PLXNA2: variants seen among roughly 807,000 people sequenced by gnomAD.
PLXNA2 encodes the protein plexin-A2.
In PLXNA2, 91 loss-of-function variants were observed where a neutral mutation model predicts 193.5. The ratio of observed to expected loss-of-function variants is 0.47; its 90% CI spans 0.40 to 0.56. PLXNA2 has a LOEUF of 0.56. PLXNA2 is among the 20% of genes least tolerant of loss of function. The probability of loss-of-function intolerance (pLI) is 0.00; values close to 1 mark genes in which losing one functional copy is unlikely to be tolerated. For synonymous variants in PLXNA2, 997 were observed against 1,027.3 expected (o/e 0.97, Z 0.56); for missense variants, 1,995 against 2,503.2 (o/e 0.80, Z 4.33).
intron 4 of PLXNA2, among the ~76,000 whole-genome samples, chr1:208,113,323 T>C (rs932031385): frequency 8.5e-5 from 13 of 152,142 alleles, no homozygotes; most frequent in African/African-American, 3.1e-4. Context: ...CATTCCACAA[T>C]GGTTGTTTGC....
At chr1:208,039,093 G>C in intron 24 of PLXNA2, 109 bp from the exon 25 acceptor site, 1 of 920,710 alleles carries the variant, frequency 1.1e-6, no homozygotes. Context: ...CTCCTTATAG[G>C]GGAAATAAGG....
Position 208,051,089 on chromosome 1 carries a change from G to A in PLXNA2, c.3175C>T (p.Leu1059=). The A allele has an allele frequency of 6.2e-7, 1 of 1,613,976 alleles. No individual in the cohort carries two copies. Among genetic ancestry groups the A allele is most frequent in the Non-Finnish European group, 8.5e-7 (1 of 1,179,830 alleles). The change falls in exon 17 of 32, where the codon CTG becomes TTG. Residue 1059 remains leucine (L), a synonymous_variant. Transcript: ENST00000367033. ...TCCAGGTTGAAGCCTGTGATGGTCA[G>A]GGGTGTGTGGCCACTGAAAACAGGC... ...EWSIASGHTP[L]TITGFNLDVI... is the part of the protein sequence containing the mutation.
intron 11 of PLXNA2, among the ~76,000 whole-genome samples, chr1:208,081,621 C>T (rs1176305311): frequency 6.6e-6 from 1 of 152,188 alleles, no homozygotes; most frequent in Non-Finnish European, 1.5e-5. Flanking sequence ...TGGCCCATTT[C>T]TTAATCTCTT....
rs1671849627 is a variant in PLXNA2, at chr1:208,236,309, G to A, written c.-81+7334C>T. ...AAACCGGGGAGCAGTCAGGGGAGGT[G>A]GGAGGTCAGAGGCCAACGTAATATT... On this transcript the variant is annotated intron_variant, in intron 1 of 31. Transcript: ENST00000367033. The surrounding 1 kb of genome is among the most constrained non-coding windows in gnomAD (Gnocchi z 4.4). Among the ~76,000 whole-genome samples the A allele has an allele frequency of 6.6e-6, 1 of 152,180 alleles. No homozygotes were observed. The highest frequency in any genetic ancestry group is 1.5e-5 in the Non-Finnish European group (1 of 68,032).
chr1:208,221,032 G>A lies in PLXNA2; in HGVS notation c.-80-3030C>T, dbSNP rs116768415. 7.4e-3 allele frequency among the ~76,000 whole-genome samples: 1,133 copies of A among 152,288 alleles called. 20 individuals carry two copies. Among genetic ancestry groups the A allele is most frequent in the African/African-American group, 0.025 (1,038 of 41,542 alleles). On this transcript the variant is annotated intron_variant, in intron 1 of 31. Transcript: ENST00000367033. ...AAGGCTGGTGGAAACACAGGATCCT[G>A]AGAGTTAGACTGAGAATGAGAAACG... is the stretch of plus-strand genomic sequence containing the variant.
At chr1:208,100,073 TA>T (rs566748910) in intron 5 of PLXNA2, among the ~76,000 whole-genome samples, 43 of 147,732 alleles carry the variant, frequency 2.9e-4, no homozygotes, top group Admixed American at 8.1e-4. Flanking sequence ...TCCTCAACTG[TA>T]AAAAAAAAAT....
chr1:208,217,206 A>G lies in PLXNA2; in HGVS notation c.717T>C (p.Phe239=). The G allele has an allele frequency of 6.2e-7, 1 of 1,614,182 alleles. No homozygotes were observed. Among genetic ancestry groups the G allele is most frequent in the Non-Finnish European group, 8.5e-7 (1 of 1,180,038 alleles). ...CAAAGCCGTAGATGTAGAAGATGTC[A>G]AAGTGGGAGACCAGGGCCAGGGTGT... ...PSDTLALVSH[F]DIFYIYGFAS... Residue 239 remains phenylalanine, a synonymous_variant, in exon 2 of 32, where the codon TTT becomes TTC. Transcript: ENST00000367033. The surrounding 1 kb of genome is among the most constrained non-coding windows in gnomAD (Gnocchi z 4.7).
intron 12 of PLXNA2, among the ~76,000 whole-genome samples, chr1:208,071,229 C>T (rs1665966186): frequency 6.6e-6 from 1 of 152,178 alleles, no homozygotes; most frequent in Admixed American, 6.5e-5. Context: ...CATCAGCATC[C>T]TCAGCGGATG....
intron 1 of PLXNA2, among the ~76,000 whole-genome samples, chr1:208,223,260 C>A (rs1446008054): frequency 6.6e-6 from 1 of 150,554 alleles, no homozygotes; most frequent in African/African-American, 2.4e-5. Context: ...ATGAAAGACA[C>A]CACAGCCCAC....
chr1:208,105,077 AC>A (rs1354432969), intron 4 of PLXNA2, among the ~76,000 whole-genome samples: 1 of 152,038 alleles, frequency 6.6e-6, no homozygotes, highest in Non-Finnish European at 1.5e-5. Context: ...GAGAGAAGCC[AC>A]CCCCCACTGT....
In PLXNA2 at chr1:208,038,802, C is replaced by A; in HGVS notation, c.4660+23G>T. 6.2e-7 allele frequency: 1 copy of A among 1,609,186 alleles called. No individual in the cohort carries two copies. Among genetic ancestry groups the A allele is most frequent in the Non-Finnish European group, 8.5e-7 (1 of 1,176,602 alleles). On this transcript the variant is annotated intron_variant, in intron 25 of 31. Transcript: ENST00000367033. This position sits in a 1 kb window ranked among gnomAD's most constrained non-coding sequence, Gnocchi z 4.1. ...CTTCACCTCTCAACCCCTGCCCTCA[C>A]ACTCTGAGTCCAGGTTTCCTACCCA...
chr1:208,226,976 C>T lies in PLXNA2; in HGVS notation c.-80-8974G>A, dbSNP rs529413816. 7.2e-5 allele frequency among the ~76,000 whole-genome samples: 11 copies of T among 152,314 alleles called. No homozygotes were observed. The South Asian group carries it at 8.3e-4, about 11-fold the overall frequency. ...TCCAGCCTTCTGTGCAAACGGAGTCCGAGAAAGGTCATCCCACCTCTTCCC... is the reference window on the plus strand; with the variant it reads ...TCCAGCCTTCTGTGCAAACGGAGTCTGAGAAAGGTCATCCCACCTCTTCCC... On this transcript the variant is annotated intron_variant, in intron 1 of 31. Coordinates refer to ENST00000367033, the MANE Select transcript of PLXNA2 (RefSeq NM_025179.4).
intron 12 of PLXNA2, among the ~76,000 whole-genome samples, chr1:208,063,306 G>T (rs1325452160): frequency 2.6e-5 from 4 of 152,210 alleles, no homozygotes; most frequent in African/African-American, 9.6e-5. Context: ...GCTTCCTCCT[G>T]CTGGTAAATC....
At chr1:208,194,205 C>T (rs1295680045) in intron 3 of PLXNA2, among the ~76,000 whole-genome samples, 1 of 151,770 alleles carries the variant, frequency 6.6e-6, no homozygotes, top group Non-Finnish European at 1.5e-5. Flanking sequence ...CTACTAGATG[C>T]AAATCAATTT....
chr1:208,081,117 GC>G (rs1186427200), intron 11 of PLXNA2, among the ~76,000 whole-genome samples: 2 of 152,236 alleles, frequency 1.3e-5, no homozygotes, highest in Non-Finnish European at 2.9e-5. Context: ...TGCTCTCTAA[GC>G]TCCAGGTGCT....
chr1:208,064,186 A>G (rs967182041), intron 12 of PLXNA2, among the ~76,000 whole-genome samples: 12 of 152,314 alleles, frequency 7.9e-5, no homozygotes, highest in African/African-American at 2.6e-4. Context: ...TTTTGAGTCC[A>G]TGTGTTCCAG....
At chr1:208,161,220 T>C (rs1284847856) in intron 3 of PLXNA2, among the ~76,000 whole-genome samples, 1 of 152,150 alleles carries the variant, frequency 6.6e-6, no homozygotes, top group Admixed American at 6.5e-5. Context: ...CCAGCTTCAA[T>C]AGAGAATGCC....
At chr1:208,029,452 C>T in intron 29 of PLXNA2, 1 of 1,011,254 alleles carries the variant, frequency 9.9e-7, no homozygotes, top group Non-Finnish European at 1.2e-6. Context: ...CGGAAGAAGG[C>T]AGCCAGGAGC....
chr1:208,153,436 G>A (rs1668832984), intron 3 of PLXNA2, among the ~76,000 whole-genome samples: 1 of 152,180 alleles, frequency 6.6e-6, no homozygotes, highest in Admixed American at 6.5e-5. Flanking sequence ...AAAATGAGTA[G>A]AGAAAGAGGG....
Sources: allele counts gnomAD v4.1 joint callset (sites outside exome capture counted in the v4.1 genomes callset), GRCh38; gene constraint gnomAD v4.1.1; non-coding constraint Gnocchi (gnomAD v3.1); transcripts MANE v1.5; gene names NCBI Gene and HGNC (gene_info 2026-07-23, HGNC 2026-07-21).